Variants in FRMD4A observed in about 807,000 individuals in gnomAD.
FRMD4A encodes the protein FERM domain-containing protein 4A.
FRMD4A carries 29 observed loss-of-function variants against 129.1 expected under a neutral mutation model. That is an observed-to-expected ratio of 0.22 (90% CI 0.17 to 0.31). The LOEUF (loss-of-function observed/expected upper bound fraction) is 0.31, where lower values mean the gene tolerates loss of function less well. Ranked by LOEUF, FRMD4A falls within the 10% of genes least tolerant of loss-of-function variation. The pLI is 1.00. For missense variants in FRMD4A, 1,272 were observed against 1,375.8 expected (o/e 0.92, Z 1.19); for synonymous variants, 634 against 571.6 (o/e 1.11, Z -1.56).
At chr10:14,213,688 C>G (rs1589175497) in intron 2 of FRMD4A, among the ~76,000 whole-genome samples, 1 of 152,318 alleles carries the variant, frequency 6.6e-6, no homozygotes, top group Non-Finnish European at 1.5e-5. Context: ...ATCCCACCCT[C>G]AATTGGAGAG....
chr10:14,181,473 T>A (rs1007644300), intron 2 of FRMD4A, among the ~76,000 whole-genome samples: 1 of 152,144 alleles, frequency 6.6e-6, no homozygotes, highest in African/African-American at 2.4e-5. Context: ...CTTCCCGTCG[T>A]CACAGAGGGG....
rs80354269 is a variant in FRMD4A, at chr10:13,950,298, G to T, written c.46-91386C>A. Among the ~76,000 whole-genome samples the T allele has an allele frequency of 6.6e-5, 10 of 152,330 alleles. No individual in the cohort carries two copies. In the East Asian group the frequency reaches 1.9e-3, roughly 29 times the overall value. On this transcript the variant is annotated intron_variant, in intron 2 of 24. Transcript: ENST00000357447. ...ATGTTTCAGTGTGATGTTATTTCTG[G>T]CATCATCTTGATCTGTAACTCAAGA...
intron 23 of FRMD4A, chr10:13,653,994 C>T (rs976517359): frequency 6.9e-6 from 2 of 290,396 alleles, no homozygotes; most frequent in Admixed American, 4.7e-5. Flanking sequence ...CTGAGACATC[C>T]TAAGACACTG....
intron 2 of FRMD4A, among the ~76,000 whole-genome samples, chr10:14,279,482 A>T (rs77669648): frequency 1.3e-5 from 2 of 152,140 alleles, no homozygotes; most frequent in East Asian, 1.9e-4. Flanking sequence ...TACAGGCATA[A>T]GCCACCGTGC....
chr10:13,763,460 A>G (rs1295593414), intron 6 of FRMD4A, among the ~76,000 whole-genome samples: 5 of 152,166 alleles, frequency 3.3e-5, no homozygotes, highest in African/African-American at 7.2e-5. Context: ...TCAATAGTTC[A>G]GTGTCGCTAG....
intron 2 of FRMD4A, among the ~76,000 whole-genome samples, chr10:14,108,055 A>C: frequency 6.6e-6 from 1 of 152,188 alleles, no homozygotes; most frequent in Non-Finnish European, 1.5e-5. Flanking sequence ...ACCTTCTTAC[A>C]TTCCCACCAG....
chr10:13,993,402 C>T (rs2095610511), intron 2 of FRMD4A, among the ~76,000 whole-genome samples: 2 of 152,172 alleles, frequency 1.3e-5, no homozygotes, highest in Non-Finnish European at 2.9e-5. Context: ...TGATTTAGAA[C>T]TGAAAGGTTT....
At chr10:13,936,993 A>G (rs1380888551) in intron 2 of FRMD4A, among the ~76,000 whole-genome samples, 2 of 152,226 alleles carry the variant, frequency 1.3e-5, no homozygotes, top group Non-Finnish European at 2.9e-5. Flanking sequence ...CTCAGCTGCC[A>G]GGAACAAGGC....
At chr10:13,761,367 G>A (rs1323017544) in intron 8 of FRMD4A, among the ~76,000 whole-genome samples, 1 of 152,232 alleles carries the variant, frequency 6.6e-6, no homozygotes, top group African/African-American at 2.4e-5. Flanking sequence ...TGAGCAGCCT[G>A]TCCAACCTCA....
At chr10:14,002,089 A>G (rs953509842) in intron 2 of FRMD4A, among the ~76,000 whole-genome samples, 1 of 152,230 alleles carries the variant, frequency 6.6e-6, no homozygotes, top group Non-Finnish European at 1.5e-5. Context: ...ATAATGAATG[A>G]TGTGGGTACA....
chr10:13,809,481 A>G (rs1352671959), intron 4 of FRMD4A, among the ~76,000 whole-genome samples: 2 of 151,878 alleles, frequency 1.3e-5, no homozygotes, highest in Admixed American at 6.6e-5. Flanking sequence ...ACATTTGTAA[A>G]AGTAATTGTT....
intron 2 of FRMD4A, among the ~76,000 whole-genome samples, chr10:14,240,313 C>A (rs1014183290): frequency 6.6e-6 from 1 of 152,176 alleles, no homozygotes; most frequent in Non-Finnish European, 1.5e-5. Flanking sequence ...CTCAGACTTT[C>A]CTCCAGTGCT....
rs375870671 is a variant in FRMD4A at position 14,283,683 on chromosome 10, T to C, written c.45+46375A>G. On this transcript the variant is annotated intron_variant, in intron 2 of 24. Coordinates refer to ENST00000357447, the MANE Select transcript of FRMD4A (RefSeq NM_018027.5). Reference sequence around the variant, plus strand: ...CTTTGATAATGTGTAATGTTGGCCTTCACTTGTTTGTTTATAATATGTGTC... The same window carrying C: ...CTTTGATAATGTGTAATGTTGGCCTCCACTTGTTTGTTTATAATATGTGTC... Among the ~76,000 whole-genome samples, 3 of 152,360 alleles carry C rather than the reference T, an allele frequency of 2.0e-5. No homozygotes were observed. The East Asian group carries it at 5.8e-4, about 29-fold the overall frequency.
rs138498225 is a variant in FRMD4A, at chr10:14,010,226, A to G, written c.46-151314T>C. On this transcript the variant is annotated intron_variant, in intron 2 of 24. Coordinates refer to ENST00000357447, the MANE Select transcript of FRMD4A (RefSeq NM_018027.5). ...AATTTATTTACATTTGACTAAATGC[A>G]ACTTCCTGTTTCCCAGGGGTATTAA... Among the ~76,000 whole-genome samples the G allele has an allele frequency of 8.9e-3, 1,353 of 152,286 alleles. 18 individuals carry two copies. Among genetic ancestry groups the G allele is most frequent in the African/African-American group, 0.031 (1,275 of 41,540 alleles).
intron 2 of FRMD4A, among the ~76,000 whole-genome samples, chr10:13,943,233 C>T (rs1354475725): frequency 1.3e-5 from 2 of 152,250 alleles, no homozygotes; most frequent in East Asian, 3.9e-4. Flanking sequence ...AGTGGTCTCC[C>T]CTCAGGCCTC....
intron 2 of FRMD4A, among the ~76,000 whole-genome samples, chr10:14,017,579 T>G (rs996994971): frequency 7.2e-5 from 11 of 152,232 alleles, no homozygotes; most frequent in African/African-American, 2.7e-4. Context: ...CTAATTTCCA[T>G]GCTTCCTTTT....
At chr10:14,139,451 T>C (rs927203442) in intron 2 of FRMD4A, among the ~76,000 whole-genome samples, 14 of 95,380 alleles carry the variant, frequency 1.5e-4, no homozygotes, top group African/African-American at 5.0e-4. Flanking sequence ...TTATTATTTA[T>C]TTTTTTTAAT....
chr10:14,281,584 A>G (rs1428543508), intron 2 of FRMD4A, among the ~76,000 whole-genome samples: 1 of 152,230 alleles, frequency 6.6e-6, no homozygotes. Context: ...AAAGATACAC[A>G]TCATAAAATT....
intron 14 of FRMD4A, among the ~76,000 whole-genome samples, chr10:13,700,359 A>G (rs1278154775): frequency 2.0e-5 from 3 of 152,152 alleles, no homozygotes. Context: ...GGCAAAAGAG[A>G]AAGAACCCTA....
Sources: gnomAD v4.1 joint callset for allele counts (sites outside exome capture counted in the v4.1 genomes callset) on GRCh38, gnomAD v4.1.1 for gene constraint, MANE v1.5 for transcripts, NCBI Gene and HGNC (gene_info 2026-07-23, HGNC 2026-07-21) for gene names.